ZFHX3: variants seen among roughly 807,000 people sequenced by gnomAD.
ZFHX3 encodes the protein zinc finger homeobox 3.
In ZFHX3, 42 loss-of-function variants were observed where a neutral mutation model predicts 279.1. The observed-to-expected ratio is 0.15, with a 90% CI of 0.12 to 0.19. ZFHX3 has a LOEUF of 0.19. Ranked by LOEUF, ZFHX3 falls within the 10% of genes least tolerant of loss-of-function variation. ZFHX3 has a pLI of 1.00. For synonymous variants in ZFHX3, 2,293 were observed against 1,957.8 expected (o/e 1.17, Z -4.52); for missense variants, 4,981 against 4,754.0 (o/e 1.05, Z -1.40).
chr16:73,373,581 C>A (rs2016670766), intron 3 of ZFHX3, among the ~76,000 whole-genome samples: 1 of 152,212 alleles, frequency 6.6e-6, no homozygotes, highest in African/African-American at 2.4e-5. Context: ...ACCAAATGAA[C>A]TGGATTGCCA....
intron 4 of ZFHX3, among the ~76,000 whole-genome samples, chr16:73,308,270 TATATA>T (rs2015238933): frequency 4.0e-4 from 32 of 79,986 alleles, no homozygotes; most frequent in Admixed American, 1.5e-3. Context: ...TATATATATA[TATATA>T]TATTTATTTA....
At chr16:72,874,404 C>G (rs1040000145) in intron 4 of ZFHX3, among the ~76,000 whole-genome samples, 1 of 151,858 alleles carries the variant, frequency 6.6e-6, no homozygotes, top group South Asian at 2.1e-4. Flanking sequence ...GACGGGGTTT[C>G]ACGGTGTTAG....
chr16:72,835,352 G>C (rs1338286152), intron 4 of ZFHX3, among the ~76,000 whole-genome samples: 1 of 151,962 alleles, frequency 6.6e-6, no homozygotes, highest in African/African-American at 2.4e-5. Context: ...TATCAGGCCT[G>C]TTCTGAATAT....
chr16:73,429,376 A>C (rs2017870268), intron 3 of ZFHX3, among the ~76,000 whole-genome samples: 1 of 152,202 alleles, frequency 6.6e-6, no homozygotes, highest in South Asian at 2.1e-4. Flanking sequence ...TTTGTTGCCC[A>C]GGCTGGAGTG....
At chr16:72,865,578 G>A (rs969237959) in intron 4 of ZFHX3, among the ~76,000 whole-genome samples, 2 of 152,232 alleles carry the variant, frequency 1.3e-5, no homozygotes, top group Admixed American at 6.5e-5. Context: ...TGCTGTCATA[G>A]GCTATAGGGA....
chr16:73,426,864 T>C (rs551330810), intron 3 of ZFHX3, among the ~76,000 whole-genome samples: 2 of 152,320 alleles, frequency 1.3e-5, no homozygotes, highest in South Asian at 4.1e-4. Flanking sequence ...GCAATCCAAG[T>C]CAGTGCCTTT....
At chr16:73,889,923 G>A (rs963208454) in intron 1 of ZFHX3, among the ~76,000 whole-genome samples, 6 of 152,120 alleles carry the variant, frequency 3.9e-5, no homozygotes, top group Non-Finnish European at 7.4e-5. Flanking sequence ...CAATAACAGG[G>A]AAAAACTAAT....
Position 72,794,189 on chromosome 16 carries a change from G to A in ZFHX3, c.8493C>T (p.Asp2831=), listed in dbSNP as rs764935256. 1 of 1,614,178 alleles carries A rather than the reference G, an allele frequency of 6.2e-7. No individual in the cohort carries two copies. The highest frequency in any genetic ancestry group is 8.5e-7 in the Non-Finnish European group (1 of 1,180,036). ...TGTTGACAGAGGAACAGTCATCGTT[G>A]TCCAGCTTAGTTTGGTCAAAGTTTA... The part of the protein sequence containing the change: ...VNLNFDQTKL[D]NDDCSSVNTA... The change falls in exon 9 of 10, where the codon GAC becomes GAT. Residue 2831 remains aspartate, a synonymous_variant. Transcript: ENST00000268489. This position sits in a 1 kb window ranked among gnomAD's most constrained non-coding sequence, Gnocchi z 4.2.
chr16:73,473,453 G>A (rs1291176950), intron 2 of ZFHX3, among the ~76,000 whole-genome samples: 2 of 151,776 alleles, frequency 1.3e-5, no homozygotes, highest in East Asian at 1.9e-4. Context: ...TAAGGTAGGA[G>A]ACATATGAGA....
chr16:73,604,081 ATAT>A (rs1246996091), intron 2 of ZFHX3, among the ~76,000 whole-genome samples: 1 of 152,014 alleles, frequency 6.6e-6, no homozygotes, highest in Non-Finnish European at 1.5e-5. Context: ...CAGCCATTCT[ATAT>A]TATTAATTAA....
intron 5 of ZFHX3, among the ~76,000 whole-genome samples, chr16:73,217,024 T>G (rs2012235843): frequency 6.6e-6 from 1 of 152,216 alleles, no homozygotes; most frequent in Admixed American, 6.5e-5. Flanking sequence ...GTTGACCCAC[T>G]GCCATTGCCC....
At chr16:73,611,333 A>C (rs995895519) in intron 2 of ZFHX3, among the ~76,000 whole-genome samples, 2 of 152,148 alleles carry the variant, frequency 1.3e-5, no homozygotes, top group Non-Finnish European at 2.9e-5. Context: ...TTTCCCCTAA[A>C]ACAGATGTGA....
At chr16:72,933,490 C>G (rs530761131) in intron 3 of ZFHX3, among the ~76,000 whole-genome samples, 1 of 152,112 alleles carries the variant, frequency 6.6e-6, no homozygotes, top group South Asian at 2.1e-4. Flanking sequence ...AAAAAAAAAT[C>G]ATACAGTAGA....
rs1261181134 is a variant in ZFHX3, at chr16:72,821,923, T to C, written c.3529+7856A>G. 2.0e-5 allele frequency: 3 copies of C among 152,220 alleles called. No homozygotes were observed. The East Asian group carries it at 5.8e-4, about 29-fold the overall frequency. 9.4% of individuals were successfully genotyped at this position (152,220 alleles called of 1,614,324 possible). On this transcript the variant is annotated intron_variant, in intron 5 of 9. Coordinates refer to ENST00000268489, the MANE Select transcript of ZFHX3 (RefSeq NM_006885.4). The stretch of plus-strand genomic sequence containing the variant: ...AACGAGGGGAGAAACTTGTTTATTT[T>C]TTTGTTTTTATGGGCTTTCCAATGA...
At chr16:73,809,548 G>C (rs1239458807) in intron 1 of ZFHX3, 2 of 152,212 alleles carry the variant, frequency 1.3e-5, no homozygotes, top group African/African-American at 4.8e-5. Flanking sequence ...TTCTCACCGA[G>C]CCTACTTCAT....
chr16:73,839,302 C>T (rs1224096044), intron 1 of ZFHX3, among the ~76,000 whole-genome samples: 1 of 96,034 alleles, frequency 1.0e-5, no homozygotes, highest in Admixed American at 1.7e-4. Flanking sequence ...GTGGAACTTG[C>T]AGCAACAGAG....
intron 2 of ZFHX3, among the ~76,000 whole-genome samples, chr16:73,571,079 T>TA: frequency 6.6e-6 from 1 of 152,024 alleles, no homozygotes. Flanking sequence ...TTCTCTAATC[T>TA]AATCAGTAAT....
At chr16:72,878,392 C>G (rs1246423012) in intron 4 of ZFHX3, among the ~76,000 whole-genome samples, 2 of 152,146 alleles carry the variant, frequency 1.3e-5, no homozygotes, top group Non-Finnish European at 2.9e-5. Flanking sequence ...CAGTGAGGAC[C>G]CCTGCCAGGG....
intron 1 of ZFHX3, among the ~76,000 whole-genome samples, chr16:73,881,071 C>T (rs940803828): frequency 7.9e-5 from 12 of 152,140 alleles, no homozygotes; most frequent in African/African-American, 2.4e-4. Context: ...CTGGTAGCAC[C>T]TTCTATAAGA....
Sources: allele counts gnomAD v4.1 joint callset (sites outside exome capture counted in the v4.1 genomes callset), GRCh38; gene constraint gnomAD v4.1.1; non-coding constraint Gnocchi (gnomAD v3.1); transcripts MANE v1.5; gene names NCBI Gene and HGNC (gene_info 2026-07-23, HGNC 2026-07-21).